The following MORC1 variants were observed in gnomAD, a reference collection of about 807,000 sequenced individuals.
MORC1 encodes the protein MORC family CW-type zinc finger 1.
In MORC1, 59 loss-of-function variants were observed where a neutral mutation model predicts 134.9. The ratio of observed to expected loss-of-function variants is 0.44; its 90% CI spans 0.35 to 0.54. The LOEUF is 0.54. Ranked by LOEUF, MORC1 falls within the 20% of genes least tolerant of loss-of-function variation. The pLI, the probability that MORC1 is intolerant of heterozygous loss-of-function variation, is 0.00. For synonymous variants in MORC1, 395 were observed against 391.7 expected (o/e 1.01, Z -0.10); for missense variants, 947 against 1,134.5 (o/e 0.83, Z 2.37).
chr3:108,994,544 A>G (rs1293879589), intron 21 of MORC1, among the ~76,000 whole-genome samples: 2 of 152,172 alleles, frequency 1.3e-5, no homozygotes, highest in Non-Finnish European at 2.9e-5. Context: ...TTATTATTAT[A>G]AAATATGAAT....
At chr3:108,965,428 A>G (rs533797258) in intron 26 of MORC1, among the ~76,000 whole-genome samples, 124 of 152,356 alleles carry the variant, frequency 8.1e-4, no homozygotes, top group South Asian at 1.9e-3. Context: ...CCATTTCTAC[A>G]GCATTCCTGA....
intron 3 of MORC1, among the ~76,000 whole-genome samples, chr3:109,106,101 T>C (rs1268297402): frequency 6.6e-6 from 1 of 152,238 alleles, no homozygotes; most frequent in Non-Finnish European, 1.5e-5. Context: ...ACTAGAGATA[T>C]TCTAATGTAA....
At chr3:109,039,998 A>C (rs1461255055) in intron 14 of MORC1, among the ~76,000 whole-genome samples, 1 of 152,122 alleles carries the variant, frequency 6.6e-6, no homozygotes, top group African/African-American at 2.4e-5. Flanking sequence ...AAGTCACTGC[A>C]CGTGTCCAGG....
chr3:109,088,674 G>C (rs1396722542), intron 8 of MORC1, among the ~76,000 whole-genome samples: 3 of 152,070 alleles, frequency 2.0e-5, no homozygotes, highest in African/African-American at 7.2e-5. Flanking sequence ...GAGCTAAAAA[G>C]TAGAACTACC....
rs1950771182 is a variant in MORC1, at chr3:109,093,626, T to C, written c.584-85A>G. On this transcript the variant is annotated intron_variant, in intron 7 of 27. Coordinates refer to ENST00000232603, the MANE Select transcript of MORC1 (RefSeq NM_014429.4). ...TGTGCTATCATTTCATCTATGGAAC[T>C]GAGTCTGCTATAAAATTTTCTTTTG... 3.1e-6 allele frequency: 3 copies of C among 974,690 alleles called. No homozygotes were observed. In the South Asian group the frequency reaches 4.7e-5, roughly 15 times the overall value. 60.4% of individuals were successfully genotyped at this position (974,690 alleles called of 1,614,324 possible). A position where few individuals can be genotyped will look rare whatever the true frequency, so the allele number is the denominator to read the frequency against.
At chr3:109,091,173 G>T (rs112410355) in intron 8 of MORC1, among the ~76,000 whole-genome samples, 24 of 152,190 alleles carry the variant, frequency 1.6e-4, no homozygotes, top group African/African-American at 4.8e-4. Context: ...GCCAGGTGCG[G>T]TGGCTCATGC....
chr3:108,964,643 C>G (rs6803035), intron 26 of MORC1, among the ~76,000 whole-genome samples: 28,613 of 152,158 alleles, frequency 0.19, 2,791 homozygotes, highest in Middle Eastern at 0.27. Context: ...TATTCACTAA[C>G]TAGTTCCTAA....
At chr3:109,071,427 TTC>T (rs2107711398) in intron 8 of MORC1, among the ~76,000 whole-genome samples, 1 of 152,284 alleles carries the variant, frequency 6.6e-6, no homozygotes, top group African/African-American at 2.4e-5. Flanking sequence ...TAGGTAAATA[TTC>T]ATAGCATGCA....
intron 20 of MORC1, among the ~76,000 whole-genome samples, chr3:109,003,324 T>C (rs1576620212): frequency 6.6e-6 from 1 of 151,940 alleles, no homozygotes. Flanking sequence ...TATACATATA[T>C]GTGTATATAT....
At chr3:108,977,438 G>A (rs924120094) in intron 24 of MORC1, among the ~76,000 whole-genome samples, 3 of 151,956 alleles carry the variant, frequency 2.0e-5, no homozygotes, top group African/African-American at 4.8e-5. Flanking sequence ...GGCTGATCTC[G>A]AACTGCTTGT....
At chr3:109,046,883 A>G (rs1949707781) in intron 14 of MORC1, among the ~76,000 whole-genome samples, 1 of 152,184 alleles carries the variant, frequency 6.6e-6, no homozygotes, top group South Asian at 2.1e-4. Flanking sequence ...TGTAAGTCCC[A>G]TATACAGTAC....
Position 108,958,362 on chromosome 3 carries a change from AAAC to A in MORC1, c.*600_*602del, listed in dbSNP as rs1422568601. ...ACTTCTTTACGTATATGTAAATGTAAAACAACAATTTTTACATATGTGTAATAT... is the reference window on the plus strand; with the variant it reads ...ACTTCTTTACGTATATGTAAATGTAAAACAATTTTTACATATGTGTAATAT... On this transcript the variant is annotated 3_prime_UTR_variant, in exon 28 of 28. Coordinates refer to ENST00000232603, the MANE Select transcript of MORC1 (RefSeq NM_014429.4). 2.0e-5 allele frequency: 3 copies of A among 152,078 alleles called. No individual in the cohort carries two copies. Among genetic ancestry groups the A allele is most frequent in the Non-Finnish European group, 4.4e-5 (3 of 67,956 alleles). The allele number at this position is 152,078 out of a possible 1,614,324, so 9.4% of individuals were successfully genotyped here.
chr3:109,063,813 A>G (rs1167692380), intron 9 of MORC1, among the ~76,000 whole-genome samples: 4 of 152,172 alleles, frequency 2.6e-5, no homozygotes, highest in African/African-American at 9.7e-5. Context: ...ATAAACTCAA[A>G]GAGAACAAAG....
At chr3:109,116,966 C>T (rs957083308) in intron 1 of MORC1, among the ~76,000 whole-genome samples, 24 of 152,288 alleles carry the variant, frequency 1.6e-4, no homozygotes, top group Admixed American at 3.9e-4. Context: ...CCACAAAATC[C>T]ATATAAAACT....
At chr3:109,113,347 T>C (rs1234852358) in intron 2 of MORC1, among the ~76,000 whole-genome samples, 1 of 152,208 alleles carries the variant, frequency 6.6e-6, no homozygotes, top group Admixed American at 6.5e-5. Flanking sequence ...AGAGAGAGTT[T>C]CCTAAAAGGA....
intron 17 of MORC1, among the ~76,000 whole-genome samples, chr3:109,023,831 A>G (rs1272145353): frequency 6.6e-6 from 1 of 152,250 alleles, no homozygotes; most frequent in African/African-American, 2.4e-5. Flanking sequence ...CCAGTGAAAC[A>G]ATAGAAATAA....
intron 4 of MORC1, among the ~76,000 whole-genome samples, chr3:109,101,132 T>TG (rs1487129393): frequency 2.6e-5 from 4 of 152,230 alleles, no homozygotes; most frequent in Non-Finnish European, 4.4e-5. Flanking sequence ...GTGTTGCTGA[T>TG]GAAGATAAAT....
chr3:108,971,983 G>A (rs532046763), intron 24 of MORC1, among the ~76,000 whole-genome samples: 1 of 152,258 alleles, frequency 6.6e-6, no homozygotes, highest in Non-Finnish European at 1.5e-5. Flanking sequence ...AAATTTCCTG[G>A]AAGAAAGTAG....
intron 11 of MORC1, among the ~76,000 whole-genome samples, chr3:109,060,745 C>G (rs371604708): frequency 6.6e-6 from 1 of 152,248 alleles, no homozygotes; most frequent in East Asian, 1.9e-4. Context: ...ATCAGAGCAA[C>G]AGGACAAATT....
Sources: allele counts gnomAD v4.1 joint callset (sites outside exome capture counted in the v4.1 genomes callset), GRCh38; gene constraint gnomAD v4.1.1; transcripts MANE v1.5; gene names NCBI Gene and HGNC (gene_info 2026-07-23, HGNC 2026-07-21).